Variants in RERE observed in about 807,000 individuals in gnomAD.
RERE encodes arginine-glutamic acid dipeptide repeats protein.
RERE carries 40 observed loss-of-function variants against 146.1 expected under a neutral mutation model. That is an observed-to-expected ratio of 0.27 (90% CI 0.21 to 0.36). The LOEUF (loss-of-function observed/expected upper bound fraction) is 0.36. RERE is among the 10% of genes least tolerant of loss of function. The probability of loss-of-function intolerance (pLI) is 1.00; values close to 1 mark genes in which losing one functional copy is unlikely to be tolerated. For synonymous variants in RERE, 1,003 were observed against 866.0 expected (o/e 1.16, Z -2.78); for missense variants, 1,933 against 2,138.7 (o/e 0.90, Z 1.90).
chr1:8,367,158 T>G (rs1000329266), intron 12 of RERE, among the ~76,000 whole-genome samples: 1 of 152,176 alleles, frequency 6.6e-6, no homozygotes, highest in African/African-American at 2.4e-5. Context: ...GAAAGACTAG[T>G]GTTGGAAGGA....
chr1:8,469,373 C>G (rs1014777364), intron 10 of RERE, among the ~76,000 whole-genome samples: 3 of 152,180 alleles, frequency 2.0e-5, no homozygotes, highest in Non-Finnish European at 4.4e-5. Flanking sequence ...AATCCCAGCA[C>G]TCTGGGAGGC....
chr1:8,382,028 A>G (rs1229870458), intron 12 of RERE, among the ~76,000 whole-genome samples: 1 of 152,248 alleles, frequency 6.6e-6, no homozygotes, highest in Non-Finnish European at 1.5e-5. Context: ...AGCACTCAGG[A>G]AAGTGGTTAC....
In RERE at chr1:8,711,891, T is replaced by C. The variant is rs1486875152; in HGVS notation, c.-144-55450A>G. 2.0e-5 allele frequency among the ~76,000 whole-genome samples: 3 copies of C among 152,336 alleles called. No homozygotes were observed. In the East Asian group the frequency reaches 5.8e-4, roughly 29 times the overall value. On this transcript the variant is annotated intron_variant, in intron 1 of 22. Coordinates refer to ENST00000400908, the MANE Select transcript of RERE (RefSeq NM_001042681.2). ...TTTGCCCTTTATTATTATTAGGACA[T>C]GTTTTCTCTAGTATTATGCCGCCAA...
chr1:8,429,327 C>A (rs990019102), intron 11 of RERE, among the ~76,000 whole-genome samples: 6 of 152,142 alleles, frequency 3.9e-5, no homozygotes, highest in African/African-American at 1.4e-4. Context: ...GCCGAGGGTG[C>A]AGACAAGGGA....
chr1:8,413,736 G>A (rs1321438503), intron 12 of RERE, among the ~76,000 whole-genome samples: 1 of 152,090 alleles, frequency 6.6e-6, no homozygotes, highest in Non-Finnish European at 1.5e-5. Context: ...GAGGAGCAGA[G>A]GCAGCCCCAG....
rs71580039 is a variant in RERE, at chr1:8,683,031, C to CAAAAAAAAA, written c.-144-26599_-144-26591dup. On this transcript the variant is annotated intron_variant, in intron 1 of 22. Transcript: ENST00000400908. The stretch of plus-strand genomic sequence containing the variant: ...ACCAACTCTGCCTCACTGTCTTTAC[C>CAAAAAAAAA]AAAAAAAAAAAAAAAAAAAAAAAAG... Among the ~76,000 whole-genome samples the CAAAAAAAAA allele has an allele frequency of 1.5e-4, 10 of 65,730 alleles. 1 individual carries two copies. The highest frequency in any genetic ancestry group is 2.6e-4 in the African/African-American group (4 of 15,572). The allele number at this position is 65,730 out of a possible 152,430, so 43.1% of individuals were successfully genotyped here. A position where few individuals can be genotyped will look rare whatever the true frequency, so the allele number is the denominator to read the frequency against.
chr1:8,730,795 CT>C, intron 1 of RERE, among the ~76,000 whole-genome samples: 1 of 152,180 alleles, frequency 6.6e-6, no homozygotes, highest in South Asian at 2.1e-4. Flanking sequence ...CCCCTTTGTA[CT>C]TTATCTGTGA....
intron 1 of RERE, among the ~76,000 whole-genome samples, chr1:8,711,536 G>A (rs1639667987): frequency 6.6e-6 from 1 of 152,116 alleles, no homozygotes; most frequent in Non-Finnish European, 1.5e-5. Context: ...AATTCCAATA[G>A]AGCGATACGT....
At chr1:8,525,062 C>G (rs775442662) in intron 7 of RERE, among the ~76,000 whole-genome samples, 2 of 151,964 alleles carry the variant, frequency 1.3e-5, no homozygotes, top group African/African-American at 2.4e-5. Flanking sequence ...TTTTTAATTG[C>G]CAAAGAATTT....
At chr1:8,359,036 C>A (rs1325554193) in intron 19 of RERE, 120 bp from the exon 20 acceptor site, 20 of 1,282,086 alleles carry the variant, frequency 1.6e-5, no homozygotes, top group Non-Finnish European at 2.1e-5. Flanking sequence ...AACCTGGTCC[C>A]TCCACGGAGA....
At chr1:8,628,293 T>C (rs957088247) in intron 2 of RERE, among the ~76,000 whole-genome samples, 21 of 147,024 alleles carry the variant, frequency 1.4e-4, no homozygotes, top group African/African-American at 4.7e-4. Flanking sequence ...GGGTGGCTGT[T>C]AAAAAAAAAA....
intron 1 of RERE, among the ~76,000 whole-genome samples, 176 bp from the exon 2 acceptor site, chr1:8,656,617 G>A (rs1309157325): frequency 6.6e-6 from 1 of 152,172 alleles, no homozygotes; most frequent in Non-Finnish European, 1.5e-5. Flanking sequence ...TCAGCAAATG[G>A]TTTGGGGTTT....
chr1:8,564,199 A>G (rs1300517127), intron 4 of RERE, among the ~76,000 whole-genome samples: 1 of 152,200 alleles, frequency 6.6e-6, no homozygotes, highest in African/African-American at 2.4e-5. Flanking sequence ...ACTATTCTTC[A>G]AAGATCAAAG....
At chr1:8,777,242 T>C (rs1032135049) in intron 1 of RERE, among the ~76,000 whole-genome samples, 3 of 152,166 alleles carry the variant, frequency 2.0e-5, no homozygotes, top group Admixed American at 2.0e-4. Context: ...GAAAGCATTG[T>C]CTTATCTAAG....
Position 8,627,248 on chromosome 1 carries a change from A to G in RERE, c.326-2868T>C, listed in dbSNP as rs77921067. ...AAGGTGGTCTGCACTGTCCACTAAC[A>G]ATTACTATCAATCTTGTAGGCTCAG... On this transcript the variant is annotated intron_variant, in intron 2 of 22. Coordinates refer to ENST00000400908, the MANE Select transcript of RERE (RefSeq NM_001042681.2). Among the ~76,000 whole-genome samples the G allele has an allele frequency of 6.9e-3, 1,052 of 152,230 alleles. 11 individuals carry two copies. Among genetic ancestry groups the G allele is most frequent in the African/African-American group, 0.024 (1,008 of 41,522 alleles).
At chr1:8,806,510 C>A (rs1641696394) in intron 1 of RERE, among the ~76,000 whole-genome samples, 1 of 152,142 alleles carries the variant, frequency 6.6e-6, no homozygotes, top group Non-Finnish European at 1.5e-5. Flanking sequence ...CAGAGGGAGA[C>A]TCCATCTCAA....
chr1:8,360,575 G>A lies in RERE; in HGVS notation c.2932C>T (p.His978Tyr). 1 of 1,452,328 alleles carries A rather than the reference G, an allele frequency of 6.9e-7. No individual in the cohort carries two copies. 90.0% of individuals were successfully genotyped at this position (1,452,328 alleles called of 1,614,324 possible). ...GGGGGGTGAGCCGACGGGGGGTGAT[G>A]TGTGGACAGGGAGCTCAGGGGCTTC... ...ALKPLSSLSTHHPPSAHPPPL... is the reference protein window; with the variant it reads ...ALKPLSSLSTYHPPSAHPPPL... The change falls in exon 18 of 23, where the codon CAT becomes TAT. Residue 978 changes from histidine (H) to tyrosine (Y), a missense_variant. His to Tyr is a moderately conservative substitution (Grantham distance 83). This residue lies in a region of RERE where 1,255 missense variants were observed against 1,153.8 expected (regional missense o/e 1.09). Coordinates refer to ENST00000400908, the MANE Select transcript of RERE (RefSeq NM_001042681.2).
intron 1 of RERE, among the ~76,000 whole-genome samples, chr1:8,740,268 C>T (rs1640282525): frequency 6.6e-6 from 1 of 152,170 alleles, no homozygotes; most frequent in Non-Finnish European, 1.5e-5. Flanking sequence ...AACTGTATAG[C>T]ATGTTACAGC....
chr1:8,510,953 C>T (rs1645327480), intron 7 of RERE, among the ~76,000 whole-genome samples: 1 of 152,060 alleles, frequency 6.6e-6, no homozygotes, highest in South Asian at 2.1e-4. Context: ...TGAGGTCTTG[C>T]TATGTTGCCC....
Sources: allele counts gnomAD v4.1 joint callset (sites outside exome capture counted in the v4.1 genomes callset), GRCh38; gene constraint gnomAD v4.1.1; regional missense constraint gnomAD v4.1.1; transcripts MANE v1.5; gene names NCBI Gene and HGNC (gene_info 2026-07-23, HGNC 2026-07-21).